PITPNC1: variants seen among roughly 807,000 people sequenced by gnomAD.
PITPNC1 encodes cytoplasmic phosphatidylinositol transfer protein 1.
In PITPNC1, 18 loss-of-function variants were observed where a neutral mutation model predicts 44.7. The ratio of observed to expected loss-of-function variants is 0.40; its 90% CI spans 0.28 to 0.60. The LOEUF is 0.60. PITPNC1 is among the 20% of genes least tolerant of loss of function. PITPNC1 has a pLI of 0.39. For missense variants in PITPNC1, 290 were observed against 418.4 expected (o/e 0.69, Z 2.68); for synonymous variants, 141 against 149.6 (o/e 0.94, Z 0.42).
At chr17:67,584,755 C>T (rs747714660) in intron 5 of PITPNC1, among the ~76,000 whole-genome samples, 2 of 152,138 alleles carry the variant, frequency 1.3e-5, no homozygotes, top group Non-Finnish European at 2.9e-5. Flanking sequence ...TGCTGTTCAA[C>T]AAGTTTTGAG....
chr17:67,402,146 A>T (rs2038324976), intron 1 of PITPNC1, among the ~76,000 whole-genome samples: 1 of 152,240 alleles, frequency 6.6e-6, no homozygotes, highest in African/African-American at 2.4e-5. Context: ...GGCATAGGGC[A>T]ACATGTAAAT....
intron 1 of PITPNC1, among the ~76,000 whole-genome samples, chr17:67,442,269 A>G (rs1015538197): frequency 7.5e-6 from 1 of 133,178 alleles, no homozygotes; most frequent in Non-Finnish European, 1.6e-5. Flanking sequence ...ATCCTCCCAT[A>G]TTGTGGACCA....
intron 5 of PITPNC1, among the ~76,000 whole-genome samples, chr17:67,592,896 G>A (rs745664481): frequency 2.6e-5 from 4 of 152,148 alleles, no homozygotes; most frequent in African/African-American, 4.8e-5. Flanking sequence ...TAATTAGCCA[G>A]GCATGGTGAT....
intron 1 of PITPNC1, chr17:67,471,514 C>T (rs1568003546): frequency 8.3e-5 from 30 of 360,764 alleles, no homozygotes; most frequent in Middle Eastern, 1.9e-3. Flanking sequence ...GCAAAAGAAA[C>T]TGTGGTTTTT....
intron 4 of PITPNC1, among the ~76,000 whole-genome samples, chr17:67,567,421 G>A (rs566031822): frequency 5.3e-5 from 8 of 151,874 alleles, no homozygotes; most frequent in South Asian, 2.1e-4. Flanking sequence ...GAGGCAGAGC[G>A]TGCAGTGAGC....
At chr17:67,600,448 G>C (rs2041526336) in intron 5 of PITPNC1, among the ~76,000 whole-genome samples, 1 of 151,992 alleles carries the variant, frequency 6.6e-6, no homozygotes, top group Admixed American at 6.6e-5. Flanking sequence ...AAGGAATAAT[G>C]TTCATTTTAA....
intron 1 of PITPNC1, among the ~76,000 whole-genome samples, chr17:67,414,582 C>T (rs2038558204): frequency 1.3e-5 from 2 of 152,150 alleles, no homozygotes; most frequent in East Asian, 3.9e-4. Context: ...TTTATTGGAA[C>T]ACGGGCACAC....
chr17:67,473,654 G>C (rs945567961), intron 1 of PITPNC1, among the ~76,000 whole-genome samples: 5 of 151,962 alleles, frequency 3.3e-5, no homozygotes, highest in Non-Finnish European at 5.9e-5. Context: ...ATGTTTCCCA[G>C]GCTGGCCTTG....
intron 1 of PITPNC1, among the ~76,000 whole-genome samples, chr17:67,384,651 T>A (rs951297156): frequency 1.3e-5 from 2 of 152,166 alleles, no homozygotes; most frequent in African/African-American, 4.8e-5. Flanking sequence ...GGTCTCGATC[T>A]CCTGACCTCG....
intron 1 of PITPNC1, among the ~76,000 whole-genome samples, chr17:67,483,105 T>G (rs1326859459): frequency 6.6e-6 from 1 of 152,222 alleles, no homozygotes; most frequent in Non-Finnish European, 1.5e-5. Flanking sequence ...TAGCCTGGGA[T>G]GAACTGGGAG....
At chr17:67,468,223 C>T (rs1040720991) in intron 1 of PITPNC1, among the ~76,000 whole-genome samples, 8 of 152,024 alleles carry the variant, frequency 5.3e-5, no homozygotes, top group Non-Finnish European at 1.2e-4. Context: ...GAAGATAGTA[C>T]AGGAGGAAGC....
intron 1 of PITPNC1, among the ~76,000 whole-genome samples, chr17:67,424,780 C>T (rs1159443528): frequency 6.6e-6 from 1 of 151,950 alleles, no homozygotes; most frequent in African/African-American, 2.4e-5. Flanking sequence ...GCTGCAACCT[C>T]CGCCTCCTAG....
intron 1 of PITPNC1, among the ~76,000 whole-genome samples, chr17:67,500,402 G>A (rs986796550): frequency 1.3e-5 from 2 of 152,154 alleles, no homozygotes; most frequent in East Asian, 1.9e-4. Flanking sequence ...CAGACACAAC[G>A]AGCCACATAT....
At chr17:67,431,663 G>C (rs368807058) in intron 1 of PITPNC1, among the ~76,000 whole-genome samples, 1 of 152,188 alleles carries the variant, frequency 6.6e-6, no homozygotes, top group Non-Finnish European at 1.5e-5. Context: ...TTGTAAAAGA[G>C]ACTGGTTTCT....
chr17:67,539,567 G>A (rs2040576066), intron 2 of PITPNC1, among the ~76,000 whole-genome samples: 1 of 152,192 alleles, frequency 6.6e-6, no homozygotes, highest in African/African-American at 2.4e-5. Flanking sequence ...GTCCCGGCAC[G>A]ATGGCTCACG....
chr17:67,554,664 A>G (rs1344571945), intron 4 of PITPNC1, among the ~76,000 whole-genome samples: 1 of 152,240 alleles, frequency 6.6e-6, no homozygotes, highest in African/African-American at 2.4e-5. Context: ...ATGATTTGTC[A>G]TGCCCTGGGC....
At chr17:67,409,071 CT>C (rs1159310735) in intron 1 of PITPNC1, among the ~76,000 whole-genome samples, 3,973 of 80,318 alleles carry the variant, frequency 0.049, 59 homozygotes, top group African/African-American at 0.16. Flanking sequence ...CAAATTCATT[CT>C]TTTTTTTTTT....
At position 67,395,170 on chromosome 17, in the gene PITPNC1, CT is replaced by C. The variant is rs902427835; in HGVS notation, c.48+16982del. On this transcript the variant is annotated intron_variant, in intron 1 of 8. Coordinates refer to ENST00000581322, the MANE Select transcript of PITPNC1 (RefSeq NM_012417.4). ...ACCTGCTTATCTGGACAGGTTTTTT[CT>C]TTTTTTTTTTTTTAGAGATAGGGTC... Among the ~76,000 whole-genome samples the C allele has an allele frequency of 4.2e-3, 584 of 140,650 alleles. 1 individual carries two copies. Among genetic ancestry groups the C allele is most frequent in the Middle Eastern group, 7.3e-3 (2 of 274 alleles). The allele number at this position is 140,650 out of a possible 152,430, so 92.3% of individuals were successfully genotyped here.
intron 1 of PITPNC1, among the ~76,000 whole-genome samples, chr17:67,422,251 G>A (rs9910937): frequency 0.023 from 3,521 of 152,290 alleles, 64 homozygotes; most frequent in South Asian, 0.042. Context: ...CTTTGACATT[G>A]TCTACTTACC....
Sources: allele counts gnomAD v4.1 joint callset (sites outside exome capture counted in the v4.1 genomes callset), GRCh38; gene constraint gnomAD v4.1.1; transcripts MANE v1.5; gene names NCBI Gene and HGNC (gene_info 2026-07-23, HGNC 2026-07-21).